The following COL11A1 variants were observed in gnomAD, a reference collection of about 807,000 sequenced individuals.
COL11A1 encodes the protein collagen type XI alpha 1 chain.
A neutral mutation model predicts 265.2 loss-of-function variants in COL11A1; 74 were observed. The ratio of observed to expected loss-of-function variants is 0.28; its 90% CI spans 0.23 to 0.34. The LOEUF is 0.34. COL11A1 is among the 10% of genes least tolerant of loss of function. The probability of loss-of-function intolerance (pLI) is 1.00; values close to 1 mark genes in which losing one functional copy is unlikely to be tolerated. For missense variants in COL11A1, 2,165 were observed against 2,263.6 expected, an observed-to-expected ratio of 0.96 and a Z score of 0.88; for synonymous variants, 816 against 727.6, an observed-to-expected ratio of 1.12 and a Z score of -1.96.
chr1:103,014,315 C>T (rs1020983945), intron 13 of COL11A1, among the ~76,000 whole-genome samples, 196 bp downstream of exon 13: 1 of 152,006 alleles, frequency 6.6e-6, no homozygotes, highest in Non-Finnish European at 1.5e-5. Flanking sequence ...TGGTCAACTA[C>T]CTAACTATAA....
chr1:102,908,470 T>C (rs967909118), intron 54 of COL11A1, among the ~76,000 whole-genome samples: 5 of 152,244 alleles, frequency 3.3e-5, no homozygotes, highest in Middle Eastern at 3.4e-3. Context: ...AAAATTACTC[T>C]CAAATAATTT....
At chr1:102,968,051 G>A (rs1179761216) in intron 37 of COL11A1, among the ~76,000 whole-genome samples, 3 of 152,162 alleles carry the variant, frequency 2.0e-5, no homozygotes, top group African/African-American at 4.8e-5. Context: ...TCCATTCAGA[G>A]TGTTTGCAAG....
At chr1:102,896,077 G>A (rs1652386525) in intron 57 of COL11A1, among the ~76,000 whole-genome samples, 1 of 151,768 alleles carries the variant, frequency 6.6e-6, no homozygotes, top group Non-Finnish European at 1.5e-5. Context: ...TGATTTACAA[G>A]CAATTCATTT....
Position 103,074,670 on chromosome 1 carries a change from G to T in COL11A1, c.599C>A (p.Thr200Asn), listed in dbSNP as rs1156671073. ...TGTTCCAAAAACCGTGATTCCATTG[G>T]TATCAACAATTGCTCTCTCACTTCT... is the stretch of plus-strand genomic sequence containing the variant. ...LDRSERAIVD[T>N]NGITVFGTRI... is the part of the protein sequence containing the mutation. Residue 200 changes from threonine (T) to asparagine (N), a missense_variant, in exon 4 of 67, where the codon ACC (threonine) becomes AAC (asparagine). By Grantham distance (65) the Thr-to-Asn change is moderately conservative (BLOSUM62 0). Coordinates refer to ENST00000370096, the MANE Select transcript of COL11A1 (RefSeq NM_001854.4). The T allele has an allele frequency of 6.2e-7, 1 of 1,613,130 alleles. No homozygotes were observed. Among genetic ancestry groups the T allele is most frequent in the Non-Finnish European group, 8.5e-7 (1 of 1,179,606 alleles).
At chr1:102,986,758 G>A (rs1663597751) in intron 30 of COL11A1, among the ~76,000 whole-genome samples, 1 of 151,992 alleles carries the variant, frequency 6.6e-6, no homozygotes, top group African/African-American at 2.4e-5. Context: ...TTTCAATGTT[G>A]CCTAATATTA....
chr1:103,030,940 C>T, intron 5 of COL11A1, 176 bp downstream of exon 5: 1 of 762,084 alleles, frequency 1.3e-6, no homozygotes, highest in Non-Finnish European at 2.1e-6. Context: ...GCTTAAACAG[C>T]AAGAAAACAA....
intron 57 of COL11A1, among the ~76,000 whole-genome samples, chr1:102,893,560 A>G (rs66531224): frequency 0.088 from 13,367 of 152,168 alleles, 704 homozygotes; most frequent in Middle Eastern, 0.16. Flanking sequence ...GATATTGTAA[A>G]TTGAAAACCC....
intron 25 of COL11A1, 31 bp from the exon 26 acceptor site, chr1:102,997,155 A>G (rs753389256): frequency 6.5e-7 from 1 of 1,545,748 alleles, no homozygotes; most frequent in South Asian, 1.1e-5. Context: ...CACTGATAAG[A>G]TGTAATATAA....
chr1:103,017,822 T>G lies in COL11A1; in HGVS notation c.1411A>C (p.Arg471=), dbSNP rs1342033027. 1 of 1,612,644 alleles carries G rather than the reference T, an allele frequency of 6.2e-7. No homozygotes were observed. Among genetic ancestry groups the G allele is most frequent in the Non-Finnish European group, 8.5e-7 (1 of 1,178,778 alleles). ...AGATATCATGTCCATTCACTTACCC[T>G]ATCGCCAGGGTCACCAGGGGGTCCA... The part of the protein sequence containing the change: ...PTGPPGDPGD[R]GPPGRPGLPG... The change falls in exon 11 of 67, where the codon AGG becomes CGG. Residue 471 remains arginine (R), a splice_region_variant and synonymous_variant. Coordinates refer to ENST00000370096, the MANE Select transcript of COL11A1 (RefSeq NM_001854.4).
In COL11A1 at chr1:102,879,679, T is replaced by C. The variant is rs753930720; in HGVS notation, c.5274+4A>G. 2 of 1,612,012 alleles carry C rather than the reference T, an allele frequency of 1.2e-6. No individual in the cohort carries two copies. The highest frequency in any genetic ancestry group is 4.5e-5 in the East Asian group (2 of 44,842). On this transcript the variant is annotated splice_donor_region_variant and intron_variant, in intron 66 of 66. Transcript: ENST00000370096. Reference sequence around the variant, plus strand: ...GAAGGGAGACAAGCAGAACTTATACTCACCGCACAACCATCATACAGTGTT... The same window carrying C: ...GAAGGGAGACAAGCAGAACTTATACCCACCGCACAACCATCATACAGTGTT...
intron 30 of COL11A1, among the ~76,000 whole-genome samples, chr1:102,986,771 T>C (rs1046131330): frequency 2.0e-5 from 3 of 152,154 alleles, no homozygotes; most frequent in Non-Finnish European, 4.4e-5. Flanking sequence ...TAATATTATA[T>C]TGAAATATAA....
chr1:103,045,546 G>A (rs1319954792), intron 4 of COL11A1, among the ~76,000 whole-genome samples: 1 of 151,960 alleles, frequency 6.6e-6, no homozygotes, highest in Non-Finnish European at 1.5e-5. Context: ...AGTAGTTTAT[G>A]CTTTAAAAAC....
rs542518542 is a variant in COL11A1, at chr1:102,903,667, AGTG to A, written c.4087-4676_4087-4674del. Among the ~76,000 whole-genome samples the A allele has an allele frequency of 6.4e-4, 97 of 152,320 alleles. 1 individual carries two copies. The highest frequency in any genetic ancestry group is 2.3e-3 in the African/African-American group (96 of 41,588). On this transcript the variant is annotated intron_variant, in intron 54 of 66. Coordinates refer to ENST00000370096, the MANE Select transcript of COL11A1 (RefSeq NM_001854.4). ...AATATGCTCTTGCTATTTTCACAAA[AGTG>A]GTATTAAATTGATTGCTGCATCAGA...
chr1:103,008,681 AAT>A (rs1665856575), intron 14 of COL11A1, among the ~76,000 whole-genome samples, 165 bp from the exon 15 acceptor site: 2 of 152,328 alleles, frequency 1.3e-5, no homozygotes, highest in East Asian at 3.9e-4. Flanking sequence ...CTTGCATTGA[AAT>A]ATATCTCTTC....
chr1:102,904,880 T>C (rs1344091354), intron 54 of COL11A1, among the ~76,000 whole-genome samples: 1 of 152,106 alleles, frequency 6.6e-6, no homozygotes, highest in African/African-American at 2.4e-5. Flanking sequence ...ACTGGGTATA[T>C]ACCCAAAGGA....
intron 4 of COL11A1, among the ~76,000 whole-genome samples, chr1:103,074,257 G>A (rs753213879): frequency 7.9e-5 from 12 of 151,858 alleles, no homozygotes; most frequent in Non-Finnish European, 8.8e-5. Context: ...TATGACTTGC[G>A]CATCTCTCTA....
intron 13 of COL11A1, among the ~76,000 whole-genome samples, chr1:103,013,062 T>C (rs1203835712): frequency 6.6e-6 from 1 of 152,136 alleles, no homozygotes; most frequent in Non-Finnish European, 1.5e-5. Flanking sequence ...GAAATTAGCA[T>C]ACTTGAAAAG....
chr1:102,917,078 CAA>C (rs1183472842), intron 49 of COL11A1, among the ~76,000 whole-genome samples: 1 of 151,054 alleles, frequency 6.6e-6, no homozygotes, highest in African/African-American at 2.4e-5. Flanking sequence ...CACAGGAAAC[CAA>C]AAAAAGAGTC....
intron 1 of COL11A1, among the ~76,000 whole-genome samples, chr1:103,101,947 T>A (rs1238145603): frequency 1.3e-5 from 2 of 152,036 alleles, no homozygotes; most frequent in Non-Finnish European, 2.9e-5. Flanking sequence ...AAAGAGTTTA[T>A]TTTACCAGAT....
Sources: gnomAD v4.1 joint callset for allele counts (sites outside exome capture counted in the v4.1 genomes callset) on GRCh38, gnomAD v4.1.1 for gene constraint, MANE v1.5 for transcripts, NCBI Gene and HGNC (gene_info 2026-07-23, HGNC 2026-07-21) for gene names.